The following ZPBP variants were observed in gnomAD, a reference collection of about 807,000 sequenced individuals.
ZPBP encodes the protein zona pellucida binding protein.
In ZPBP, 26 loss-of-function variants were observed where a neutral mutation model predicts 44.8. That is an observed-to-expected ratio of 0.58 (90% confidence interval 0.43 to 0.81). The LOEUF is 0.81. ZPBP is among the 30% of genes least tolerant of loss of function. The pLI is 0.00. For synonymous variants in ZPBP, 174 were observed against 153.2 expected (o/e 1.14, Z -1.00); for missense variants, 409 against 434.0 (o/e 0.94, Z 0.51).
intron 5 of ZPBP, among the ~76,000 whole-genome samples, chr7:50,026,092 C>T (rs1799312065): frequency 6.6e-6 from 1 of 151,788 alleles, no homozygotes; most frequent in African/African-American, 2.4e-5. Flanking sequence ...GCTGGAAACA[C>T]ACTACTCTAC....
At chr7:49,967,146 C>T (rs551916448) in intron 7 of ZPBP, among the ~76,000 whole-genome samples, 1 of 152,138 alleles carries the variant, frequency 6.6e-6, no homozygotes, top group Non-Finnish European at 1.5e-5. Context: ...ATGGAGCTCT[C>T]ATGAGCCCAG....
intron 2 of ZPBP, among the ~76,000 whole-genome samples, chr7:49,885,139 A>C (rs1008207014): frequency 3.9e-5 from 6 of 152,080 alleles, no homozygotes; most frequent in Non-Finnish European, 5.9e-5. Context: ...CTAAAGGAGA[A>C]ACAGAAAAAT....
chr7:49,942,874 G>C (rs1311613523), intron 7 of ZPBP: 1 of 162,832 alleles, frequency 6.1e-6, no homozygotes, highest in Admixed American at 6.5e-5. Context: ...CTCTGAGTTA[G>C]CATCCAGTGA....
At chr7:50,034,858 T>C (rs552459715) in intron 4 of ZPBP, among the ~76,000 whole-genome samples, 1 of 152,350 alleles carries the variant, frequency 6.6e-6, no homozygotes, top group African/African-American at 2.4e-5. Context: ...GAATTTAATA[T>C]GTAAAACTTT....
the ZPBP span, among the ~76,000 whole-genome samples, chr7:49,842,159 C>T: frequency 1.9e-4 from 29 of 152,124 alleles, no homozygotes; most frequent in Admixed American, 3.3e-4. Context: ...TGAGCCACCG[C>T]GCCTGGCCAA....
At chr7:49,893,255 G>A (rs553363101) in intron 2 of ZPBP, among the ~76,000 whole-genome samples, 3 of 152,146 alleles carry the variant, frequency 2.0e-5, no homozygotes, top group Non-Finnish European at 2.9e-5. Context: ...TAGGTTCCAC[G>A]AATCTAGAAT....
chr7:50,021,078 C>CG (rs1320143451), intron 5 of ZPBP, among the ~76,000 whole-genome samples: 2 of 151,732 alleles, frequency 1.3e-5, no homozygotes, highest in African/African-American at 4.8e-5. Flanking sequence ...GTATCCATTA[C>CG]AATATTTTAA....
chr7:49,910,776 A>G (rs531932675), intron 1 of ZPBP, among the ~76,000 whole-genome samples: 1 of 152,312 alleles, frequency 6.6e-6, no homozygotes, highest in East Asian at 1.9e-4. Flanking sequence ...GAAAACTGTG[A>G]AAGATAGACT....
At chr7:49,908,311 AC>A (rs1444211734) in intron 1 of ZPBP, among the ~76,000 whole-genome samples, 5 of 152,188 alleles carry the variant, frequency 3.3e-5, no homozygotes, top group Non-Finnish European at 7.3e-5. Context: ...TTTCAGGTTA[AC>A]TTTGGAATGC....
chr7:50,079,267 C>T (rs1423257151), intron 3 of ZPBP, among the ~76,000 whole-genome samples: 6 of 151,530 alleles, frequency 4.0e-5, no homozygotes, highest in African/African-American at 1.4e-4. Context: ...AGGAAAGTAC[C>T]TTATTCTCTT....
chr7:49,976,257 T>C (rs1389880912), intron 7 of ZPBP, among the ~76,000 whole-genome samples: 2 of 152,222 alleles, frequency 1.3e-5, no homozygotes, highest in Non-Finnish European at 2.9e-5. Context: ...TTGCCCCTTA[T>C]GCCATCCTGC....
intron 2 of ZPBP, among the ~76,000 whole-genome samples, chr7:49,887,927 T>C (rs915664444): frequency 3.3e-5 from 5 of 152,264 alleles, no homozygotes; most frequent in Non-Finnish European, 5.9e-5. Context: ...CTCCAATCTA[T>C]GTTTATTCAT....
Position 49,937,570 on chromosome 7 carries a change from T to C in ZPBP, c.1014A>G (p.Gln338=), listed in dbSNP as rs138428432. Residue 338 remains glutamine, a synonymous_variant, in exon 8 of 8, where the codon CAA becomes CAG. Transcript: ENST00000046087. ...YNPRDGIHCL[Q]CNSSLVYGAK... is the part of the protein sequence containing the mutation. ...CTCCATACACCAGGCTGCTATTGCA[T>C]TGAAGGCAATGAATTCCATCACGGG... 3.1e-6 allele frequency: 5 copies of C among 1,613,946 alleles called. No homozygotes were observed. The South Asian group carries it at 3.3e-5, about 11-fold the overall frequency.
intron 1 of ZPBP, among the ~76,000 whole-genome samples, chr7:49,929,501 C>G (rs986803812): frequency 1.4e-4 from 22 of 152,150 alleles, no homozygotes; most frequent in Non-Finnish European, 2.6e-4. Flanking sequence ...AGGAAGACAA[C>G]CACACAGGAT....
chr7:49,980,251 A>G (rs1796771968), intron 7 of ZPBP, among the ~76,000 whole-genome samples: 1 of 123,426 alleles, frequency 8.1e-6, no homozygotes, highest in Non-Finnish European at 1.6e-5. Flanking sequence ...ATATAAATAT[A>G]TAATACATAT....
intron 7 of ZPBP, among the ~76,000 whole-genome samples, chr7:49,982,225 AT>A (rs1460075837): frequency 4.6e-5 from 5 of 108,074 alleles, no homozygotes; most frequent in Non-Finnish European, 8.6e-5. Context: ...AATGTAATAT[AT>A]AATATATAAT....
downstream of ZPBP, among the ~76,000 whole-genome samples, chr7:49,848,150 G>A (rs1790029450): frequency 6.6e-6 from 1 of 152,146 alleles, no homozygotes; most frequent in Admixed American, 6.5e-5. Context: ...TCTAACCAGT[G>A]GGGGCTGGGG....
chr7:50,084,996 C>T (rs1304840715), intron 2 of ZPBP, among the ~76,000 whole-genome samples: 1 of 152,010 alleles, frequency 6.6e-6, no homozygotes, highest in Non-Finnish European at 1.5e-5. Flanking sequence ...TTGTGTCCTC[C>T]CTCTCTTATT....
chr7:50,058,872 TTGG>T (rs1801103066), intron 3 of ZPBP, among the ~76,000 whole-genome samples: 2 of 4,570 alleles, frequency 4.4e-4, no homozygotes, highest in African/African-American at 7.0e-4. Flanking sequence ...GCATTGACAC[TTGG>T]GGTTTGAGAC....
Sources: gnomAD v4.1 joint callset for allele counts (sites outside exome capture counted in the v4.1 genomes callset) on GRCh38, gnomAD v4.1.1 for gene constraint, MANE v1.5 for transcripts, NCBI Gene and HGNC (gene_info 2026-07-23, HGNC 2026-07-21) for gene names.